ADAMTS14: variants seen among roughly 807,000 people sequenced by gnomAD.
The protein encoded by ADAMTS14 is A disintegrin and metalloproteinase with thrombospondin motifs 14.
ADAMTS14 carries 100 observed loss-of-function variants against 128.6 expected under a neutral mutation model. The ratio of observed to expected loss-of-function variants is 0.78; its 90% confidence interval spans 0.66 to 0.92. The LOEUF is 0.92. ADAMTS14 is among the 40% of genes least tolerant of loss of function. The pLI is 0.00. For synonymous variants in ADAMTS14, 665 were observed against 653.8 expected, an observed-to-expected ratio of 1.02 and a Z score of -0.26; for missense variants, 1,562 against 1,658.6, an observed-to-expected ratio of 0.94 and a Z score of 1.01.
At chr10:70,709,170 C>G (rs905684289) in intron 4 of ADAMTS14, among the ~76,000 whole-genome samples, 1 of 152,148 alleles carries the variant, frequency 6.6e-6, no homozygotes, top group Non-Finnish European at 1.5e-5. Context: ...TGGGACTCAT[C>G]ATCTGGAAAA....
At chr10:70,741,471 C>T (rs999328736) in intron 12 of ADAMTS14, among the ~76,000 whole-genome samples, 3 of 152,200 alleles carry the variant, frequency 2.0e-5, no homozygotes, top group Non-Finnish European at 2.9e-5. Context: ...TTGCCAAGGC[C>T]GGCAGCAGTG....
chr10:70,738,966 G>C lies in ADAMTS14; in HGVS notation c.1724G>C (p.Arg575Pro), dbSNP rs765452002. The change falls in exon 11 of 22, where the codon CGC (arginine) becomes CCC (proline). Residue 575 changes from arginine (R) to proline (P), a missense_variant. By Grantham distance (103) the Arg-to-Pro change is moderately radical. Coordinates refer to ENST00000373207, the MANE Select transcript of ADAMTS14 (RefSeq NM_080722.4). ...SRSCGGGVRS[R>P]SRSCNNPSPA... ...TCATGTGGGGGCGGGGTGCGATCCCGCAGCCGGAGCTGCAACAACCCCTCG... is the reference window on the plus strand; with the variant it reads ...TCATGTGGGGGCGGGGTGCGATCCCCCAGCCGGAGCTGCAACAACCCCTCG... The C allele has an allele frequency of 1.9e-6, 3 of 1,611,934 alleles. No individual in the cohort carries two copies. Among genetic ancestry groups the C allele is most frequent in the Non-Finnish European group, 2.5e-6 (3 of 1,178,892 alleles).
chr10:70,740,835 C>A (rs1019923264), intron 11 of ADAMTS14, 152 bp from the exon 12 acceptor site: 12 of 783,844 alleles, frequency 1.5e-5, no homozygotes, highest in African/African-American at 1.0e-4. Context: ...CCACAGCCCC[C>A]ACCCTGGGAG....
At chr10:70,749,575 G>T (rs1842284997) in intron 15 of ADAMTS14, among the ~76,000 whole-genome samples, 5 of 151,312 alleles carry the variant, frequency 3.3e-5, no homozygotes, top group Admixed American at 3.3e-4. Flanking sequence ...AAGGTGGGAG[G>T]AATGGTGTGC....
At chr10:70,711,207 CT>C (rs1564532355) in intron 4 of ADAMTS14, among the ~76,000 whole-genome samples, 1 of 152,240 alleles carries the variant, frequency 6.6e-6, no homozygotes, top group Non-Finnish European at 1.5e-5. Context: ...TGCTGATTCT[CT>C]CTGACCGACT....
At chr10:70,723,182 G>A (rs577185107) in intron 4 of ADAMTS14, among the ~76,000 whole-genome samples, 1 of 152,228 alleles carries the variant, frequency 6.6e-6, no homozygotes, top group Non-Finnish European at 1.5e-5. Context: ...CCTAATTGAA[G>A]GACACAAAAT....
At chr10:70,753,247 C>A (rs1437783601) in intron 18 of ADAMTS14, among the ~76,000 whole-genome samples, 1 of 152,180 alleles carries the variant, frequency 6.6e-6, no homozygotes. Context: ...GCTTAAGATG[C>A]TGTTGGAAGT....
At position 70,674,580 on chromosome 10, in the gene ADAMTS14, G is replaced by C. The variant is rs938082312; in HGVS notation, c.107G>C (p.Ser36Thr). The C allele has an allele frequency of 1.2e-6, 2 of 1,613,430 alleles. No individual in the cohort carries two copies. The highest frequency in any genetic ancestry group is 1.7e-4 in the Middle Eastern group (1 of 6,060). Residue 36 changes from serine (S) to threonine (T), a missense_variant, in exon 2 of 22, where the codon AGT becomes ACT. Coordinates refer to ENST00000373207, the MANE Select transcript of ADAMTS14 (RefSeq NM_080722.4). ...TPELHLSGKL[S>T]DYGVTVPCST... The stretch of plus-strand genomic sequence containing the variant: ...GAGCTGCACCTCTCTGGAAAGCTCA[G>C]TGACTATGGTGTGACAGTGCCCTGC...
At chr10:70,732,891 G>A (rs1475783813) in intron 7 of ADAMTS14, among the ~76,000 whole-genome samples, 1 of 152,248 alleles carries the variant, frequency 6.6e-6, no homozygotes, top group Non-Finnish European at 1.5e-5. Context: ...TTTGTTTAGA[G>A]TGTGTTCATT....
chr10:70,745,463 A>T (rs1842149592), intron 15 of ADAMTS14, 157 bp downstream of exon 15: 1 of 805,012 alleles, frequency 1.2e-6, no homozygotes, highest in Non-Finnish European at 2.1e-6. Context: ...TTTTAAATTT[A>T]TGCTGCATGG....
At chr10:70,713,316 C>T (rs1374648450) in intron 4 of ADAMTS14, among the ~76,000 whole-genome samples, 1 of 112,630 alleles carries the variant, frequency 8.9e-6, no homozygotes, top group Non-Finnish European at 1.7e-5. Context: ...TGTGGGCCCT[C>T]TGTGGGATGA....
intron 4 of ADAMTS14, among the ~76,000 whole-genome samples, chr10:70,720,574 G>A (rs1841225075): frequency 6.6e-6 from 1 of 152,170 alleles, no homozygotes; most frequent in African/African-American, 2.4e-5. Flanking sequence ...ACCCAGCTCT[G>A]GCTACTGCGA....
chr10:70,741,937 G>A (rs1279771716), intron 12 of ADAMTS14, among the ~76,000 whole-genome samples: 1 of 152,118 alleles, frequency 6.6e-6, no homozygotes, highest in Non-Finnish European at 1.5e-5. Flanking sequence ...CTCTCCATGG[G>A]TCCTCCATGG....
chr10:70,720,415 G>A (rs1463495269), intron 4 of ADAMTS14, among the ~76,000 whole-genome samples: 2 of 152,212 alleles, frequency 1.3e-5, no homozygotes, highest in East Asian at 1.9e-4. Flanking sequence ...GCCTACCAAT[G>A]TGGTATGTGG....
At chr10:70,724,050 C>T (rs915749043) in intron 4 of ADAMTS14, among the ~76,000 whole-genome samples, 11 of 152,212 alleles carry the variant, frequency 7.2e-5, no homozygotes, top group African/African-American at 2.4e-4. Flanking sequence ...AGGCTGTATG[C>T]CAAGCCCTTG....
chr10:70,722,041 G>A (rs1483145674), intron 4 of ADAMTS14, among the ~76,000 whole-genome samples: 2 of 152,194 alleles, frequency 1.3e-5, no homozygotes, highest in African/African-American at 2.4e-5. Flanking sequence ...CTGAAATGAC[G>A]AAGGCTGTGG....
At chr10:70,673,304 C>T (rs1435700035) in intron 1 of ADAMTS14, among the ~76,000 whole-genome samples, 1 of 151,498 alleles carries the variant, frequency 6.6e-6, no homozygotes, top group African/African-American at 2.4e-5. Flanking sequence ...TGTTACATAC[C>T]CAGCATAAGG....
chr10:70,732,569 T>C (rs1356897688), intron 7 of ADAMTS14, among the ~76,000 whole-genome samples: 1 of 152,094 alleles, frequency 6.6e-6, no homozygotes, highest in Non-Finnish European at 1.5e-5. Context: ...GGGGCATGAG[T>C]AGTAATTTGG....
In ADAMTS14 at chr10:70,757,972, C is replaced by T; in HGVS notation, c.2948C>T (p.Thr983Ile). 2 of 1,611,074 alleles carry T rather than the reference C, an allele frequency of 1.2e-6. No homozygotes were observed. Among genetic ancestry groups the T allele is most frequent in the South Asian group, 1.1e-5 (1 of 90,566 alleles). ...RLGAWSQCSA[T>I]CGEGIQQRQV... ...ACCCACCCACGGCAGTGCTCTGCCA[C>T]CTGTGGAGAGGGCATCCAGCAGCGG... The change falls in exon 20 of 22, where the codon ACC (threonine) becomes ATC (isoleucine). Residue 983 changes from threonine (T) to isoleucine (I), a missense_variant. Transcript: ENST00000373207.
Sources: allele counts gnomAD v4.1 joint callset (sites outside exome capture counted in the v4.1 genomes callset), GRCh38; gene constraint gnomAD v4.1.1; transcripts MANE v1.5; gene names NCBI Gene and HGNC (gene_info 2026-07-23, HGNC 2026-07-21).